Variants in EYS observed in about 807,000 individuals in gnomAD.
The protein encoded by EYS is protein eyes shut homolog.
Under a neutral mutation model 282.1 loss-of-function variants are expected in EYS, and 250 were observed. The ratio of observed to expected loss-of-function variants is 0.89; its 90% CI spans 0.80 to 0.98. The LOEUF (loss-of-function observed/expected upper bound fraction) is 0.98. Ranked by LOEUF, EYS falls within the 50% of genes least tolerant of loss-of-function variation. EYS has a pLI of 0.00. For missense variants in EYS, 4,016 were observed against 3,709.0 expected (o/e 1.08, Z -2.15); for synonymous variants, 1,355 against 1,282.9 (o/e 1.06, Z -1.20).
At chr6:64,620,639 G>A (rs1295897460) in intron 23 of EYS, among the ~76,000 whole-genome samples, 2 of 152,084 alleles carry the variant, frequency 1.3e-5, no homozygotes, top group African/African-American at 2.4e-5. Context: ...TCTGGTGTGG[G>A]ACAAGGTAAT....
intron 35 of EYS, among the ~76,000 whole-genome samples, chr6:63,976,478 C>T (rs998406546): frequency 1.3e-5 from 2 of 151,952 alleles, no homozygotes; most frequent in African/African-American, 4.8e-5. Flanking sequence ...CACTTGTAGG[C>T]TGTGGTTTGA....
chr6:65,216,308 T>C (rs1009478797), intron 12 of EYS, among the ~76,000 whole-genome samples: 1 of 152,086 alleles, frequency 6.6e-6, no homozygotes, highest in Non-Finnish European at 1.5e-5. Flanking sequence ...TACACGTCTA[T>C]ATGACTAATG....
intron 5 of EYS, among the ~76,000 whole-genome samples, chr6:65,477,605 T>A (rs900182422): frequency 6.6e-6 from 1 of 152,166 alleles, no homozygotes; most frequent in Non-Finnish European, 1.5e-5. Context: ...GGAAGCCAAT[T>A]GACGCATTCA....
chr6:64,026,635 A>T (rs899092085), intron 33 of EYS, among the ~76,000 whole-genome samples: 12 of 152,160 alleles, frequency 7.9e-5, no homozygotes, highest in Non-Finnish European at 1.8e-4. Context: ...AATACACAAT[A>T]TGCAAAGCTT....
At chr6:64,629,350 C>T (rs1562100060) in intron 22 of EYS, among the ~76,000 whole-genome samples, 1 of 152,072 alleles carries the variant, frequency 6.6e-6, no homozygotes, top group Non-Finnish European at 1.5e-5. Context: ...ATGCACACCT[C>T]TTTAAAGGAG....
chr6:64,222,204 A>C (rs1766125664), intron 31 of EYS, among the ~76,000 whole-genome samples: 1 of 152,106 alleles, frequency 6.6e-6, no homozygotes, highest in Non-Finnish European at 1.5e-5. Context: ...CAGTTAAATA[A>C]TAAATTCTTC....
chr6:63,725,807 A>C (rs139096330), intron 42 of EYS, among the ~76,000 whole-genome samples: 44 of 152,260 alleles, frequency 2.9e-4, no homozygotes, highest in African/African-American at 9.6e-4. Flanking sequence ...GAAATTTAGC[A>C]AATGTAATTA....
intron 33 of EYS, among the ~76,000 whole-genome samples, chr6:64,051,247 T>C (rs535323661): frequency 7.1e-4 from 108 of 152,268 alleles, no homozygotes; most frequent in African/African-American, 2.6e-3. Context: ...GAAATAGTGA[T>C]TAAAAACATT....
chr6:65,621,835 G>A (rs1458963877), intron 2 of EYS, among the ~76,000 whole-genome samples: 2 of 151,952 alleles, frequency 1.3e-5, no homozygotes, highest in African/African-American at 4.8e-5. Flanking sequence ...CTTTTACTGA[G>A]TTCTAATATG....
At chr6:64,733,359 G>T in intron 22 of EYS, 1 of 176,550 alleles carries the variant, frequency 5.7e-6, no homozygotes, top group Non-Finnish European at 1.2e-5. Flanking sequence ...CAGGAGCAGG[G>T]CAGTCATACT....
chr6:64,272,569 ATTCTT>A (rs1267585282), intron 30 of EYS, among the ~76,000 whole-genome samples: 2 of 152,126 alleles, frequency 1.3e-5, no homozygotes, highest in African/African-American at 4.8e-5. Context: ...TGGGTTGAAA[ATTCTT>A]TTCTTTAAGA....
At chr6:63,934,616 G>T (rs1329550138) in intron 35 of EYS, among the ~76,000 whole-genome samples, 1 of 152,018 alleles carries the variant, frequency 6.6e-6, no homozygotes, top group East Asian at 1.9e-4. Flanking sequence ...GGATGAAGCA[G>T]GAAACCATCA....
intron 26 of EYS, among the ~76,000 whole-genome samples, chr6:64,546,160 G>A (rs1011201660): frequency 6.6e-6 from 1 of 152,104 alleles, no homozygotes; most frequent in South Asian, 2.1e-4. Flanking sequence ...CATGGTACTG[G>A]TACCAAAACA....
At chr6:63,725,533 C>A (rs575895977) in intron 42 of EYS, among the ~76,000 whole-genome samples, 1 of 151,996 alleles carries the variant, frequency 6.6e-6, no homozygotes, top group Non-Finnish European at 1.5e-5. Flanking sequence ...ATGTGGTTCT[C>A]CTATTTGACA....
intron 12 of EYS, among the ~76,000 whole-genome samples, chr6:65,103,566 G>A (rs2150184569): frequency 6.6e-6 from 1 of 151,370 alleles, no homozygotes; most frequent in East Asian, 1.9e-4. Flanking sequence ...ATTTTGTATT[G>A]TAAGTGACAT....
intron 35 of EYS, among the ~76,000 whole-genome samples, chr6:63,940,379 A>T (rs904006552): frequency 4.6e-5 from 7 of 152,140 alleles, no homozygotes; most frequent in African/African-American, 1.7e-4. Flanking sequence ...GGGTGTAAAA[A>T]CTTTGTACTT....
At chr6:63,798,963 GTATATA>G (rs1231377496) in intron 37 of EYS, among the ~76,000 whole-genome samples, 1 of 110,910 alleles carries the variant, frequency 9.0e-6, no homozygotes, top group Non-Finnish European at 1.8e-5. Context: ...ATGTATATGT[GTATATA>G]TATATATGTA....
At chr6:65,251,778 G>T (rs1286700380) in intron 12 of EYS, among the ~76,000 whole-genome samples, 1 of 152,004 alleles carries the variant, frequency 6.6e-6, no homozygotes, top group Non-Finnish European at 1.5e-5. Flanking sequence ...AGTGATGGGA[G>T]AACTCTGGTT....
intron 2 of EYS, among the ~76,000 whole-genome samples, chr6:65,606,220 AAT>A (rs1160980560): frequency 6.6e-6 from 1 of 151,734 alleles, no homozygotes; most frequent in African/African-American, 2.4e-5. Context: ...TAGTTTTAAA[AAT>A]ATGTTTAACC....
Sources: allele counts gnomAD v4.1 joint callset (sites outside exome capture counted in the v4.1 genomes callset), GRCh38; gene constraint gnomAD v4.1.1; transcripts MANE v1.5; gene names NCBI Gene and HGNC (gene_info 2026-07-23, HGNC 2026-07-21).